LARGE1: variants seen among roughly 807,000 people sequenced by gnomAD.
LARGE1 encodes the protein LARGE xylosyl- and glucuronyltransferase 1.
A neutral mutation model predicts 87.6 loss-of-function variants in LARGE1; 43 were observed. That is an observed-to-expected ratio of 0.49 (90% CI 0.38 to 0.63). LARGE1 has a LOEUF of 0.63. LARGE1 is among the 30% of genes least tolerant of loss of function. The probability of loss-of-function intolerance (pLI) is 0.00; values close to 1 mark genes in which losing one functional copy is unlikely to be tolerated. For synonymous variants in LARGE1, 434 were observed against 394.6 expected (o/e 1.10, Z -1.18); for missense variants, 802 against 1,000.2 (o/e 0.80, Z 2.67).
chr22:33,208,750 T>G (rs1244529307), intron 11 of LARGE1, among the ~76,000 whole-genome samples: 3 of 152,160 alleles, frequency 2.0e-5, no homozygotes, highest in African/African-American at 4.8e-5. Flanking sequence ...GGCCATGGTA[T>G]GTGATGTTCT....
intron 2 of LARGE1, among the ~76,000 whole-genome samples, chr22:33,696,259 CTTTCTTTTTTTTT>C (rs1364359716): frequency 1.6e-5 from 2 of 121,698 alleles, no homozygotes; most frequent in Non-Finnish European, 3.4e-5. Context: ...TTCTTTCTTT[CTTTCTTTTTTTTT>C]TTTTTTTTGA....
At chr22:33,459,430 TCG>T (rs2068276294) in intron 6 of LARGE1, among the ~76,000 whole-genome samples, 6 of 146,174 alleles carry the variant, frequency 4.1e-5, no homozygotes, top group African/African-American at 1.5e-4. Flanking sequence ...CAAAGCTCGC[TCG>T]CTCTCTCTCT....
At chr22:33,882,316 C>G in intron 1 of LARGE1, among the ~76,000 whole-genome samples, 1 of 152,182 alleles carries the variant, frequency 6.6e-6, no homozygotes, top group South Asian at 2.1e-4. Flanking sequence ...AGGCTTGAGC[C>G]ACCGCACCCG....
intron 10 of LARGE1, among the ~76,000 whole-genome samples, chr22:33,321,684 T>C (rs1011133996): frequency 2.0e-5 from 3 of 152,006 alleles, no homozygotes; most frequent in African/African-American, 7.3e-5. Flanking sequence ...GGTAGGCAAA[T>C]GTGTGTGGAG....
In LARGE1 at chr22:33,868,874, G is replaced by T. The variant is rs575740830; in HGVS notation, c.-83+51121C>A. Among the ~76,000 whole-genome samples, 7 of 152,272 alleles carry T rather than the reference G, an allele frequency of 4.6e-5. No individual in the cohort carries two copies. The South Asian group carries it at 1.5e-3, about 32-fold the overall frequency. On this transcript the variant is annotated intron_variant, in intron 1 of 14. Transcript: ENST00000397394. The stretch of plus-strand genomic sequence containing the variant: ...CTCAAAACTAAATGGAAAGGGGGTT[G>T]CAAGGTACACGGATTCACGGCAAAA...
intron 2 of LARGE1, among the ~76,000 whole-genome samples, chr22:33,695,236 T>C (rs1316270089): frequency 6.6e-6 from 1 of 151,520 alleles, no homozygotes; most frequent in African/African-American, 2.4e-5. Context: ...CCCGAGAAGC[T>C]AGGATTACAG....
At chr22:33,332,142 TC>T (rs1937798779) in intron 10 of LARGE1, among the ~76,000 whole-genome samples, 1 of 152,102 alleles carries the variant, frequency 6.6e-6, no homozygotes, top group South Asian at 2.1e-4. Context: ...TTTGGCTGTG[TC>T]CCCACCCAAA....
At chr22:33,677,199 C>G (rs1224746866) in intron 2 of LARGE1, among the ~76,000 whole-genome samples, 1 of 150,452 alleles carries the variant, frequency 6.6e-6, no homozygotes, top group Non-Finnish European at 1.5e-5. Flanking sequence ...AGAAACAATT[C>G]CTTAGTGAAA....
At chr22:33,181,225 G>A (rs187263800) in intron 11 of LARGE1, among the ~76,000 whole-genome samples, 32 of 152,070 alleles carry the variant, frequency 2.1e-4, no homozygotes, top group African/African-American at 6.7e-4. Context: ...TAAAATCAGC[G>A]GATAAAATTT....
chr22:33,663,452 C>T (rs1294963079), intron 2 of LARGE1, among the ~76,000 whole-genome samples: 1 of 152,132 alleles, frequency 6.6e-6, no homozygotes. Flanking sequence ...TCAGGATTTT[C>T]CTCTGCAAGC....
intron 9 of LARGE1, among the ~76,000 whole-genome samples, chr22:33,365,991 A>T (rs986422136): frequency 2.0e-5 from 3 of 152,168 alleles, no homozygotes; most frequent in African/African-American, 7.2e-5. Flanking sequence ...TCATTCATTT[A>T]TGGTATGCGT....
intron 2 of LARGE1, among the ~76,000 whole-genome samples, chr22:33,725,431 C>T (rs1386864106): frequency 6.6e-6 from 1 of 152,154 alleles, no homozygotes; most frequent in Admixed American, 6.5e-5. Flanking sequence ...CAGTCCCTCC[C>T]AGTTGAGGGT....
At chr22:33,500,026 G>A (rs1173840453) in intron 6 of LARGE1, among the ~76,000 whole-genome samples, 1 of 152,018 alleles carries the variant, frequency 6.6e-6, no homozygotes, top group East Asian at 1.9e-4. Context: ...TGCCTGCCTC[G>A]GCCTCCCAAA....
chr22:33,170,284 G>T (rs558396528), intron 11 of LARGE1, among the ~76,000 whole-genome samples: 3 of 152,150 alleles, frequency 2.0e-5, no homozygotes, highest in South Asian at 4.2e-4. Context: ...CAGGAGAATC[G>T]CTTGAACCCA....
At chr22:33,118,205 G>A in the LARGE1 span, among the ~76,000 whole-genome samples, 1 of 152,154 alleles carries the variant, frequency 6.6e-6, no homozygotes, top group Non-Finnish European at 1.5e-5. Flanking sequence ...TATTATGGCT[G>A]GGCACAGTGG....
At chr22:33,781,067 TAAGAATC>T (rs2085404830) in intron 1 of LARGE1, among the ~76,000 whole-genome samples, 1 of 152,270 alleles carries the variant, frequency 6.6e-6, no homozygotes, top group Admixed American at 6.5e-5. Context: ...TGTCTGGCTT[TAAGAATC>T]AATAGCCTGG....
the LARGE1 span, among the ~76,000 whole-genome samples, chr22:33,155,048 T>G: frequency 1.3e-5 from 2 of 152,220 alleles, no homozygotes. Context: ...CCCAGCCACG[T>G]GGAACTGTAA....
chr22:33,916,893 C>T (rs915662503), intron 1 of LARGE1, among the ~76,000 whole-genome samples: 1 of 152,182 alleles, frequency 6.6e-6, no homozygotes, highest in Non-Finnish European at 1.5e-5. Flanking sequence ...TTTCCTGTTC[C>T]AATCTCTTAC....
intron 7 of LARGE1, among the ~76,000 whole-genome samples, chr22:33,398,865 GC>G (rs1364947053): frequency 1.3e-5 from 2 of 152,176 alleles, no homozygotes; most frequent in Admixed American, 1.3e-4. Context: ...GCTGGAAGAG[GC>G]AAGGAAGAAT....
Sources: allele counts gnomAD v4.1 joint callset (sites outside exome capture counted in the v4.1 genomes callset), GRCh38; gene constraint gnomAD v4.1.1; transcripts MANE v1.5; gene names NCBI Gene and HGNC (gene_info 2026-07-23, HGNC 2026-07-21).